AFF2: variants seen among roughly 807,000 people sequenced by gnomAD.
The protein encoded by AFF2 is AF4/FMR2 family member 2.
Under a neutral mutation model 76.9 loss-of-function variants are expected in AFF2, and 14 were observed. That is an observed-to-expected ratio of 0.18 (90% confidence interval 0.12 to 0.28). The LOEUF is 0.28. AFF2 is among the 10% of genes least tolerant of loss of function. The pLI is 1.00. For synonymous variants in AFF2, 398 were observed against 366.7 expected (o/e 1.09, Z -0.98); for missense variants, 868 against 1,001.1 (o/e 0.87, Z 1.79).
At chrX:148,776,678 A>C (rs782539405) in intron 3 of AFF2, among the ~76,000 whole-genome samples, 2 of 110,824 alleles carry the variant, frequency 1.8e-5, no homozygotes. Context: ...GTCTGTTCCT[A>C]TACTTCGCCC....
intron 1 of AFF2, among the ~76,000 whole-genome samples, chrX:148,526,883 C>T (rs1243829375): frequency 6.3e-5 from 7 of 111,600 alleles, no homozygotes; most frequent in Non-Finnish European, 1.3e-4. Flanking sequence ...ATTTAGCTCA[C>T]ATGATCCACA....
At chrX:148,708,214 A>G (rs888296281) in intron 3 of AFF2, among the ~76,000 whole-genome samples, 35 of 111,828 alleles carry the variant, frequency 3.1e-4, no homozygotes, top group African/African-American at 1.1e-3. Flanking sequence ...AAATGTGCAC[A>G]TATTAGAGTC....
chrX:148,622,038 T>C (rs2053873878), intron 1 of AFF2, among the ~76,000 whole-genome samples: 1 of 112,411 alleles, frequency 8.9e-6, no homozygotes, highest in African/African-American at 3.2e-5. Flanking sequence ...ACCTGAGTGA[T>C]TGAAAAGTTT....
At chrX:148,708,181 A>G (rs1304617628) in intron 3 of AFF2, among the ~76,000 whole-genome samples, 2 of 111,848 alleles carry the variant, frequency 1.8e-5, no homozygotes, top group Non-Finnish European at 3.8e-5. Context: ...AATCTTCAGA[A>G]TATTATAGAT....
intron 3 of AFF2, among the ~76,000 whole-genome samples, chrX:148,806,215 G>T (rs1557271323): frequency 8.9e-6 from 1 of 112,416 alleles, no homozygotes; most frequent in African/African-American, 3.2e-5. Context: ...GAGAGAGAAA[G>T]AGAAAGAGAG....
intron 3 of AFF2, among the ~76,000 whole-genome samples, chrX:148,688,325 T>G (rs373537011): frequency 1.8e-5 from 2 of 111,756 alleles, no homozygotes; most frequent in East Asian, 2.8e-4. Flanking sequence ...CAGCTTCTTC[T>G]AACTTACTGC....
intron 3 of AFF2, among the ~76,000 whole-genome samples, chrX:148,806,420 C>T (rs1181708220): frequency 8.9e-6 from 1 of 111,866 alleles, no homozygotes; most frequent in Non-Finnish European, 1.9e-5. Flanking sequence ...GGGACCTCAA[C>T]GGCTGGGAGC....
chrX:148,736,994 A>G (rs1684209516), intron 3 of AFF2, among the ~76,000 whole-genome samples: 2 of 111,836 alleles, frequency 1.8e-5, no homozygotes, highest in Non-Finnish European at 1.9e-5. Flanking sequence ...TTATAGCAGT[A>G]CCACACTGTT....
At chrX:148,813,097 CGTT>C (rs1466224912) in intron 4 of AFF2, among the ~76,000 whole-genome samples, 3 of 112,393 alleles carry the variant, frequency 2.7e-5, no homozygotes, top group Non-Finnish European at 3.8e-5. Context: ...ACTTGAACCT[CGTT>C]GTCTTATTTG....
At chrX:148,886,735 T>C (rs782570282) in intron 8 of AFF2, among the ~76,000 whole-genome samples, 2 of 112,394 alleles carry the variant, frequency 1.8e-5, no homozygotes, top group South Asian at 7.5e-4. Context: ...CTGGGTGTGC[T>C]TATCACCTCA....
chrX:148,674,649 T>C (rs2054462419), intron 3 of AFF2, among the ~76,000 whole-genome samples: 1 of 112,205 alleles, frequency 8.9e-6, no homozygotes, highest in South Asian at 3.8e-4. Context: ...TACCTTTTGC[T>C]TCCTTAGAAT....
intron 3 of AFF2, among the ~76,000 whole-genome samples, chrX:148,758,399 T>C (rs2069400797): frequency 8.9e-6 from 1 of 112,715 alleles, no homozygotes; most frequent in Admixed American, 9.4e-5. Context: ...TTCCTGTAAC[T>C]TTTTTAAAAT....
chrX:148,505,664 C>T (rs1456185302), intron 1 of AFF2, among the ~76,000 whole-genome samples: 1 of 111,413 alleles, frequency 9.0e-6, no homozygotes, highest in African/African-American at 3.3e-5. Context: ...TTGTAGAAGT[C>T]CAATGAAATG....
At chrX:148,736,870 G>T (rs1557265130) in intron 3 of AFF2, among the ~76,000 whole-genome samples, 3 of 111,504 alleles carry the variant, frequency 2.7e-5, no homozygotes, top group Admixed American at 9.5e-5. Context: ...GTTGAAAAGG[G>T]TGTCTTTTCC....
In AFF2 at chrX:148,999,453, TTGAG is replaced by T. The variant is rs1416379753; in HGVS notation, c.*8123_*8126del. 3.5e-5 allele frequency: 4 copies of T among 112,677 alleles called. No homozygotes were observed. The highest frequency in any genetic ancestry group is 1.3e-4 in the African/African-American group (4 of 30,984). 9.3% of individuals were successfully genotyped at this position (112,677 alleles called of 1,213,427 possible). A position where few individuals can be genotyped will look rare whatever the true frequency, so the allele number is the denominator to read the frequency against. On this transcript the variant is annotated 3_prime_UTR_variant, in exon 21 of 21. Coordinates refer to ENST00000370460, the MANE Select transcript of AFF2 (RefSeq NM_002025.4). ...ATTTAAGTGTCATAGAAAATATTTA[TTGAG>T]TAACTGGGACACAAATGGGAATTTA... is the stretch of plus-strand genomic sequence containing the variant.
intron 15 of AFF2, among the ~76,000 whole-genome samples, chrX:148,969,936 A>G (rs1463520493): frequency 1.8e-5 from 2 of 111,573 alleles, no homozygotes; most frequent in African/African-American, 3.3e-5. Flanking sequence ...AATTGGCACT[A>G]TAGTCATGTA....
intron 3 of AFF2, among the ~76,000 whole-genome samples, chrX:148,741,054 G>A (rs1177596538): frequency 8.9e-6 from 1 of 111,850 alleles, no homozygotes; most frequent in African/African-American, 3.3e-5. Flanking sequence ...TAGAGGTGAT[G>A]GAGGGTGCAA....
chrX:148,532,902 C>A, intron 1 of AFF2, among the ~76,000 whole-genome samples: 1 of 111,844 alleles, frequency 8.9e-6, no homozygotes, highest in Non-Finnish European at 1.9e-5. Context: ...CAAACAGTGT[C>A]TTCATACTTT....
intron 3 of AFF2, among the ~76,000 whole-genome samples, chrX:148,721,089 G>A (rs868947268): frequency 7.1e-5 from 8 of 111,930 alleles, no homozygotes; most frequent in Admixed American, 6.6e-4. Flanking sequence ...GACATTATAG[G>A]CTTAAAGTCT....
Sources: gnomAD v4.1 joint callset for allele counts (sites outside exome capture counted in the v4.1 genomes callset) on GRCh38, gnomAD v4.1.1 for gene constraint, MANE v1.5 for transcripts, NCBI Gene and HGNC (gene_info 2026-07-23, HGNC 2026-07-21) for gene names.